Variants in RYR2 observed in about 807,000 individuals in gnomAD.
The protein encoded by RYR2 is cardiac muscle ryanodine receptor-calcium release channel.
A neutral mutation model predicts 601.1 loss-of-function variants in RYR2; 227 were observed. The observed-to-expected ratio is 0.38, with a 90% CI of 0.34 to 0.42. RYR2 has a LOEUF of 0.42. Ranked by LOEUF, RYR2 falls within the 10% of genes least tolerant of loss-of-function variation. The pLI is 1.00. For synonymous variants in RYR2, 2,223 were observed against 2,175.1 expected, an observed-to-expected ratio of 1.02 and a Z score of -0.61; for missense variants, 4,646 against 6,156.5, an observed-to-expected ratio of 0.75 and a Z score of 8.21.
intron 2 of RYR2, among the ~76,000 whole-genome samples, chr1:237,274,411 T>TA (rs985509600): frequency 4.2e-5 from 6 of 143,750 alleles, no homozygotes; most frequent in Non-Finnish European, 4.6e-5. Flanking sequence ...GTTTAAAAAG[T>TA]AAAAAAAAAT....
intron 63 of RYR2, among the ~76,000 whole-genome samples, chr1:237,695,976 G>T (rs539481066): frequency 1.3e-5 from 2 of 152,128 alleles, no homozygotes; most frequent in African/African-American, 2.4e-5. Context: ...CACAGAATTT[G>T]TCTGGCTCCT....
At chr1:237,591,984 A>G in intron 32 of RYR2, 131 bp downstream of exon 32, 1 of 726,056 alleles carries the variant, frequency 1.4e-6, no homozygotes, top group Non-Finnish European at 2.2e-6. Flanking sequence ...TTTTGGATAT[A>G]TTTTGGGGAC....
rs866183137 is a variant in RYR2, at chr1:237,441,331, G to A, written c.1018G>A (p.Val340Ile). Residue 340 changes from valine (V) to isoleucine (I), a missense_variant, in exon 13 of 105, where the codon GTA becomes ATA. Coordinates refer to ENST00000366574, the MANE Select transcript of RYR2 (RefSeq NM_001035.3). ...TFRSSKEKLD[V>I]GVRKEVDGMG... The stretch of plus-strand genomic sequence containing the variant: ...CCTCTCCCCTTAGGAAAAATTGGAT[G>A]TAGGGGTGAGAAAAGAAGTAGATGG... 1 of 1,613,596 alleles carries A rather than the reference G, an allele frequency of 6.2e-7. No homozygotes were observed.
intron 84 of RYR2, among the ~76,000 whole-genome samples, chr1:237,768,236 T>C (rs1216965875): frequency 6.6e-6 from 1 of 152,182 alleles, no homozygotes. Flanking sequence ...AATTAATAAA[T>C]TCAAATCGCT....
chr1:237,141,833 G>A (rs1487507011), intron 1 of RYR2, among the ~76,000 whole-genome samples: 1 of 152,124 alleles, frequency 6.6e-6, no homozygotes, highest in Non-Finnish European at 1.5e-5. Context: ...CTTCTTCTTG[G>A]CTGGGCACTA....
chr1:237,558,373 G>A (rs1262098978), intron 27 of RYR2, among the ~76,000 whole-genome samples: 1 of 152,186 alleles, frequency 6.6e-6, no homozygotes, highest in Admixed American at 6.5e-5. Flanking sequence ...GTAAAGATGT[G>A]TTGGGTATAG....
At chr1:237,109,396 G>C (rs1669166575) in intron 1 of RYR2, among the ~76,000 whole-genome samples, 1 of 151,946 alleles carries the variant, frequency 6.6e-6, no homozygotes, top group Non-Finnish European at 1.5e-5. Flanking sequence ...GGCATGGAGA[G>C]AAAATTGCTT....
chr1:237,400,037 T>C (rs1170703677), intron 10 of RYR2, among the ~76,000 whole-genome samples: 1 of 149,142 alleles, frequency 6.7e-6, no homozygotes, highest in Non-Finnish European at 1.5e-5. Flanking sequence ...GTTTAGAACT[T>C]ACACACACAC....
At chr1:237,235,651 C>A (rs1558472972) in intron 1 of RYR2, among the ~76,000 whole-genome samples, 1 of 152,126 alleles carries the variant, frequency 6.6e-6, no homozygotes, top group Admixed American at 6.6e-5. Flanking sequence ...CTGATTGACA[C>A]CCCCAGCAGA....
At chr1:237,259,106 C>T (rs1327529243) in intron 1 of RYR2, among the ~76,000 whole-genome samples, 1 of 152,030 alleles carries the variant, frequency 6.6e-6, no homozygotes, top group Non-Finnish European at 1.5e-5. Flanking sequence ...ATACTGGCCT[C>T]ACAGGCCATA....
chr1:237,826,164 G>A (rs1043342265), intron 101 of RYR2, among the ~76,000 whole-genome samples: 1 of 152,056 alleles, frequency 6.6e-6, no homozygotes, highest in East Asian at 1.9e-4. Flanking sequence ...CTTATTACTG[G>A]GGATATATCC....
At chr1:237,097,308 G>A (rs1314643197) in intron 1 of RYR2, among the ~76,000 whole-genome samples, 2 of 152,138 alleles carry the variant, frequency 1.3e-5, no homozygotes, top group African/African-American at 4.8e-5. Flanking sequence ...GTTAAAAGGG[G>A]GAAGAAACTG....
At chr1:237,258,867 A>G (rs371912058) in intron 1 of RYR2, among the ~76,000 whole-genome samples, 45 of 152,278 alleles carry the variant, frequency 3.0e-4, no homozygotes, top group African/African-American at 1.1e-3. Flanking sequence ...TGAAAAAGTA[A>G]AGTTCCTTTC....
chr1:237,108,234 T>G (rs1008572545), intron 1 of RYR2, among the ~76,000 whole-genome samples: 18 of 152,150 alleles, frequency 1.2e-4, no homozygotes, highest in African/African-American at 4.3e-4. Flanking sequence ...GAGAGGGGCC[T>G]GGGAATCTGG....
At chr1:237,714,615 A>G (rs1377835331) in intron 71 of RYR2, among the ~76,000 whole-genome samples, 1 of 152,142 alleles carries the variant, frequency 6.6e-6, no homozygotes, top group East Asian at 1.9e-4. Flanking sequence ...TGTTACAATC[A>G]TATTTGTATG....
At chr1:237,747,434 C>T (rs1205028975) in intron 80 of RYR2, among the ~76,000 whole-genome samples, 1 of 152,184 alleles carries the variant, frequency 6.6e-6, no homozygotes, top group Non-Finnish European at 1.5e-5. Flanking sequence ...AAAATATTGT[C>T]ATACCTGCTA....
intron 67 of RYR2, among the ~76,000 whole-genome samples, chr1:237,706,615 C>T (rs185677369): frequency 2.0e-5 from 3 of 152,122 alleles, no homozygotes; most frequent in East Asian, 1.9e-4. Context: ...AAAACTTCCT[C>T]GAAAACGGGG....
intron 58 of RYR2, among the ~76,000 whole-genome samples, chr1:237,672,244 G>C (rs1274838416): frequency 1.3e-5 from 2 of 152,188 alleles, no homozygotes; most frequent in East Asian, 1.9e-4. Flanking sequence ...TGCATTCTTA[G>C]GATTTTTAAA....
chr1:237,241,994 G>A lies in RYR2; in HGVS notation c.49-28503G>A, dbSNP rs371245342. Among the ~76,000 whole-genome samples the A allele has an allele frequency of 2.9e-3, 436 of 152,206 alleles. 3 individuals are homozygous for A. The highest frequency in any genetic ancestry group is 0.014 in the South Asian group (68 of 4,816). On this transcript the variant is annotated intron_variant, in intron 1 of 104. Transcript: ENST00000366574. ...AGCAGGGTCTTGTGACCTGTGTCTT[G>A]GGAAACTAGTCCTACCTCAATAAAT...
Sources: gnomAD v4.1 joint callset for allele counts (sites outside exome capture counted in the v4.1 genomes callset) on GRCh38, gnomAD v4.1.1 for gene constraint, MANE v1.5 for transcripts, NCBI Gene and HGNC (gene_info 2026-07-23, HGNC 2026-07-21) for gene names.